The following SNX24 variants were observed in gnomAD, a reference collection of about 807,000 sequenced individuals.
The protein encoded by SNX24 is sorting nexin-24.
A neutral mutation model predicts 28.7 loss-of-function variants in SNX24; 22 were observed. The ratio of observed to expected loss-of-function variants is 0.77; its 90% CI spans 0.55 to 1.10. SNX24 has a LOEUF of 1.10. Among genes scored for constraint, SNX24 ranks in the 50% least tolerant of loss-of-function variants. SNX24 has a pLI of 0.00. For synonymous variants in SNX24, 69 were observed against 71.5 expected (o/e 0.96, Z 0.18); for missense variants, 221 against 201.1 (o/e 1.10, Z -0.60).
chr5:122,871,570 C>T (rs1755981803), intron 1 of SNX24, among the ~76,000 whole-genome samples: 1 of 152,110 alleles, frequency 6.6e-6, no homozygotes, highest in Non-Finnish European at 1.5e-5. Flanking sequence ...GAGTTCGAGA[C>T]CAGCCTGGCT....
intron 3 of SNX24, among the ~76,000 whole-genome samples, chr5:122,957,931 C>G (rs568691800): frequency 2.0e-5 from 3 of 152,148 alleles, no homozygotes; most frequent in South Asian, 4.1e-4. Context: ...TTTGTAGAGT[C>G]TTAAGGATTT....
chr5:122,845,617 G>C lies in SNX24; in HGVS notation c.-17G>C, dbSNP rs751195881. 12 of 1,381,026 alleles carry C rather than the reference G, an allele frequency of 8.7e-6. No homozygotes were observed. The Admixed American group carries it at 1.3e-4, about 15-fold the overall frequency. The allele number at this position is 1,381,026 out of a possible 1,614,324, so 85.5% of individuals were successfully genotyped here. On this transcript the variant is annotated 5_prime_UTR_variant, in exon 1 of 7. Transcript: ENST00000261369. ...GCCTGCCCCCAACTCGCCCTCAGCCGGCTGGCCGGCGCGGCCATGGAGGTC... is the reference window on the plus strand; with the variant it reads ...GCCTGCCCCCAACTCGCCCTCAGCCCGCTGGCCGGCGCGGCCATGGAGGTC...
chr5:122,944,038 T>C (rs540991409), intron 2 of SNX24, among the ~76,000 whole-genome samples: 3 of 152,358 alleles, frequency 2.0e-5, no homozygotes, highest in African/African-American at 7.2e-5. Context: ...ATATTAGGAA[T>C]GTCTTTGATT....
intron 1 of SNX24, among the ~76,000 whole-genome samples, chr5:122,925,882 T>G (rs1372449049): frequency 6.6e-6 from 1 of 152,310 alleles, no homozygotes; most frequent in East Asian, 1.9e-4. Context: ...GTGAGGATGT[T>G]AACAGTGAAC....
intron 1 of SNX24, among the ~76,000 whole-genome samples, chr5:122,885,416 C>G (rs796079856): frequency 1.1e-4 from 17 of 152,272 alleles, no homozygotes; most frequent in African/African-American, 4.1e-4. Flanking sequence ...GGTTTGGAAT[C>G]CCTGGCAGCC....
At chr5:122,942,699 A>G (rs1167396108) in intron 2 of SNX24, among the ~76,000 whole-genome samples, 2 of 152,338 alleles carry the variant, frequency 1.3e-5, no homozygotes, top group East Asian at 3.9e-4. Context: ...TGGATCAGAC[A>G]GGCAGTTTGC....
At chr5:122,868,638 A>G (rs139840188) in intron 1 of SNX24, among the ~76,000 whole-genome samples, 243 of 152,266 alleles carry the variant, frequency 1.6e-3, no homozygotes, top group African/African-American at 5.5e-3. Flanking sequence ...TGCAGAGCCT[A>G]TCCATATTCT....
At chr5:123,020,373 T>G (rs1165229477) in intron 5 of SNX24, among the ~76,000 whole-genome samples, 2 of 152,240 alleles carry the variant, frequency 1.3e-5, no homozygotes, top group Admixed American at 6.5e-5. Flanking sequence ...TTGTTGTATT[T>G]GCTTTATGAG....
intron 1 of SNX24, among the ~76,000 whole-genome samples, chr5:122,931,619 T>A (rs1758961336): frequency 6.6e-6 from 1 of 152,134 alleles, no homozygotes; most frequent in Non-Finnish European, 1.5e-5. Flanking sequence ...TATATGCATG[T>A]ATATGTATAT....
chr5:122,931,589 AC>A (rs1434794436), intron 1 of SNX24, among the ~76,000 whole-genome samples: 3 of 152,096 alleles, frequency 2.0e-5, no homozygotes, highest in Non-Finnish European at 2.9e-5. Flanking sequence ...GTTCTAATGA[AC>A]AAGTATTAAA....
intron 3 of SNX24, among the ~76,000 whole-genome samples, chr5:122,955,668 G>A (rs548250303): frequency 6.6e-6 from 1 of 152,262 alleles, no homozygotes; most frequent in African/African-American, 2.4e-5. Flanking sequence ...CCATTAAGAT[G>A]TAGAAAGTTC....
rs370207005 is a variant in SNX24 at position 123,007,759 on chromosome 5, A to G, written c.*10A>G. The G allele has an allele frequency of 1.8e-5, 28 of 1,595,688 alleles. No homozygotes were observed. Among genetic ancestry groups the G allele is most frequent in the Non-Finnish European group, 2.0e-5 (24 of 1,175,374 alleles). ...TCTACAGCCCAGGTAGAAATCCTACATGGCTAAAAGAAGCAGAAGCAAGTT... is the reference window on the plus strand; with the variant it reads ...TCTACAGCCCAGGTAGAAATCCTACGTGGCTAAAAGAAGCAGAAGCAAGTT... On this transcript the variant is annotated 3_prime_UTR_variant, in exon 7 of 7. Transcript: ENST00000261369.
chr5:122,988,707 A>G (rs990913435), intron 3 of SNX24, among the ~76,000 whole-genome samples: 16 of 152,304 alleles, frequency 1.1e-4, no homozygotes, highest in Admixed American at 3.3e-4. Flanking sequence ...CAAATTTGGG[A>G]GGATATTTTT....
chr5:122,966,637 G>A (rs1478649034), intron 3 of SNX24, among the ~76,000 whole-genome samples: 1 of 152,112 alleles, frequency 6.6e-6, no homozygotes. Context: ...GGAAAAGCAA[G>A]GCCCAGCATA....
At chr5:122,854,797 G>A (rs750014063) in intron 1 of SNX24, among the ~76,000 whole-genome samples, 6 of 152,152 alleles carry the variant, frequency 3.9e-5, no homozygotes, top group Non-Finnish European at 8.8e-5. Flanking sequence ...GACCACTGCA[G>A]TAAAGTGATT....
intron 1 of SNX24, among the ~76,000 whole-genome samples, chr5:122,903,765 G>C (rs1757535961): frequency 6.6e-6 from 1 of 152,130 alleles, no homozygotes; most frequent in African/African-American, 2.4e-5. Context: ...GCATGAATCT[G>C]TTTGAGAAGG....
At chr5:122,928,276 C>T (rs377170959) in intron 1 of SNX24, among the ~76,000 whole-genome samples, 1 of 152,186 alleles carries the variant, frequency 6.6e-6, no homozygotes, top group Non-Finnish European at 1.5e-5. Context: ...TCACTCCCTC[C>T]TGTCATTCAG....
chr5:122,892,295 T>C (rs1757007216), intron 1 of SNX24, among the ~76,000 whole-genome samples: 1 of 152,172 alleles, frequency 6.6e-6, no homozygotes, highest in African/African-American at 2.4e-5. Flanking sequence ...AGTTGTTATC[T>C]TACTTTCACT....
intron 1 of SNX24, among the ~76,000 whole-genome samples, chr5:122,863,955 CA>C (rs1755603623): frequency 6.6e-6 from 1 of 152,048 alleles, no homozygotes; most frequent in Admixed American, 6.5e-5. Flanking sequence ...AAGTAGGAGG[CA>C]GAGGAGCGAC....
Sources: gnomAD v4.1 joint callset for allele counts (sites outside exome capture counted in the v4.1 genomes callset) on GRCh38, gnomAD v4.1.1 for gene constraint, MANE v1.5 for transcripts, NCBI Gene and HGNC (gene_info 2026-07-23, HGNC 2026-07-21) for gene names.